The following ATP2B2 variants were observed in gnomAD, a reference collection of about 807,000 sequenced individuals.
The protein encoded by ATP2B2 is plasma membrane calcium-transporting ATPase 2.
Under a neutral mutation model 120.0 loss-of-function variants are expected in ATP2B2, and 15 were observed. That is an observed-to-expected ratio of 0.12 (90% CI 0.08 to 0.19). The LOEUF is 0.19. Ranked by LOEUF, ATP2B2 falls within the 10% of genes least tolerant of loss-of-function variation. ATP2B2 has a pLI of 1.00. For missense variants in ATP2B2, 1,045 were observed against 1,719.8 expected (o/e 0.61, Z 6.94); for synonymous variants, 694 against 700.3 (o/e 0.99, Z 0.14).
intron 7 of ATP2B2, 33 bp from the exon 8 acceptor site, chr3:10,385,360 T>C: frequency 6.2e-7 from 1 of 1,600,116 alleles, no homozygotes; most frequent in Non-Finnish European, 8.6e-7. Flanking sequence ...GAAAATGCAG[T>C]GTCACAATGG....
intron 1 of ATP2B2, among the ~76,000 whole-genome samples, chr3:10,632,791 T>C (rs1179317501): frequency 6.6e-6 from 1 of 152,244 alleles, no homozygotes; most frequent in Non-Finnish European, 1.5e-5. Context: ...AAGTCCTGGC[T>C]GTGTCCCCGC....
chr3:10,582,928 C>T (rs769166641), intron 2 of ATP2B2, among the ~76,000 whole-genome samples: 2 of 152,204 alleles, frequency 1.3e-5, no homozygotes, highest in Non-Finnish European at 2.9e-5. Context: ...GTCCTGGCAC[C>T]GTGCTCAGCA....
chr3:10,419,253 T>C (rs937364168), intron 2 of ATP2B2, among the ~76,000 whole-genome samples: 3 of 152,180 alleles, frequency 2.0e-5, no homozygotes, highest in African/African-American at 7.2e-5. Context: ...TAAGAGCCAC[T>C]TAATGGACTT....
chr3:10,454,940 TAG>T (rs2064198349), intron 1 of ATP2B2, among the ~76,000 whole-genome samples: 1 of 152,190 alleles, frequency 6.6e-6, no homozygotes, highest in South Asian at 2.1e-4. Flanking sequence ...TCCCAGATTG[TAG>T]TACACTTCAC....
intron 1 of ATP2B2, among the ~76,000 whole-genome samples, chr3:10,633,283 C>T (rs1199485041): frequency 6.6e-6 from 1 of 152,120 alleles, no homozygotes; most frequent in Non-Finnish European, 1.5e-5. Flanking sequence ...GCTATTTCTC[C>T]CACCCTGCCT....
chr3:10,521,612 G>A (rs1208594981), intron 3 of ATP2B2, among the ~76,000 whole-genome samples: 1 of 152,238 alleles, frequency 6.6e-6, no homozygotes, highest in Non-Finnish European at 1.5e-5. Context: ...ACTGTGTAAA[G>A]TGATTGTGGG....
intron 2 of ATP2B2, among the ~76,000 whole-genome samples, chr3:10,446,471 T>C (rs56082840): frequency 0.031 from 4,781 of 152,272 alleles, 97 homozygotes; most frequent in South Asian, 0.09. Flanking sequence ...CCCAGCCCTG[T>C]GAGGTAGTCA....
intron 3 of ATP2B2, among the ~76,000 whole-genome samples, chr3:10,517,017 T>C (rs557412547): frequency 5.9e-5 from 9 of 152,198 alleles, no homozygotes; most frequent in South Asian, 2.1e-4. Context: ...ATGCTATTTA[T>C]AGCCAGCTCC....
chr3:10,510,625 C>T (rs2066742574), intron 3 of ATP2B2, among the ~76,000 whole-genome samples: 1 of 152,244 alleles, frequency 6.6e-6, no homozygotes, highest in Admixed American at 6.5e-5. Flanking sequence ...GACCCTGCCT[C>T]CCTTCTGCAA....
chr3:10,351,963 G>T (rs192120211), intron 14 of ATP2B2, among the ~76,000 whole-genome samples: 2 of 152,352 alleles, frequency 1.3e-5, no homozygotes, highest in Admixed American at 1.3e-4. Flanking sequence ...CTGTGAGACA[G>T]CAAACTGCTC....
chr3:10,484,472 G>A (rs755656948), intron 1 of ATP2B2, among the ~76,000 whole-genome samples: 14 of 152,096 alleles, frequency 9.2e-5, no homozygotes, highest in South Asian at 2.1e-4. Context: ...ACTGCTGGCC[G>A]CGGGGGTCTC....
chr3:10,589,922 C>A (rs2068602554), intron 2 of ATP2B2, among the ~76,000 whole-genome samples: 2 of 152,142 alleles, frequency 1.3e-5, no homozygotes, highest in Admixed American at 6.5e-5. Flanking sequence ...ATTCAGCAAC[C>A]CCACCCCTAG....
At chr3:10,387,528 T>C (rs963240152) in intron 6 of ATP2B2, among the ~76,000 whole-genome samples, 4 of 152,198 alleles carry the variant, frequency 2.6e-5, no homozygotes, top group Non-Finnish European at 5.9e-5. Context: ...ATCTTTGAGA[T>C]CAAGTGTGGG....
chr3:10,343,711 GC>G lies in ATP2B2; in HGVS notation c.2704-747del, dbSNP rs991860946. ...CCTCCACGTTCCCAGAATGCCCTCCGCCCACGTCACCAGCACCTTCTGTGCC... is the reference window on the plus strand; with the variant it reads ...CCTCCACGTTCCCAGAATGCCCTCCGCCACGTCACCAGCACCTTCTGTGCC... On this transcript the variant is annotated intron_variant, in intron 18 of 22. Coordinates refer to ENST00000360273, the MANE Select transcript of ATP2B2 (RefSeq NM_001001331.4). The surrounding 1 kb of genome is among the most constrained non-coding windows in gnomAD (Gnocchi z 4.2). Among the ~76,000 whole-genome samples the G allele has an allele frequency of 1.4e-3, 216 of 151,966 alleles. No individual in the cohort carries two copies. The highest frequency in any genetic ancestry group is 5.1e-3 in the African/African-American group (210 of 41,410).
At chr3:10,603,222 C>T (rs1306938475) in intron 2 of ATP2B2, among the ~76,000 whole-genome samples, 1 of 152,154 alleles carries the variant, frequency 6.6e-6, no homozygotes. Flanking sequence ...TGACTTCATC[C>T]CCCTGGGGTA....
chr3:10,360,769 C>A (rs528246555), intron 12 of ATP2B2, among the ~76,000 whole-genome samples: 1 of 152,342 alleles, frequency 6.6e-6, no homozygotes, highest in South Asian at 2.1e-4. Context: ...ACCGGCTTTA[C>A]ATGAGCTTGT....
At chr3:10,679,129 A>G (rs1429027890) in intron 1 of ATP2B2, among the ~76,000 whole-genome samples, 3 of 152,026 alleles carry the variant, frequency 2.0e-5, no homozygotes, top group Non-Finnish European at 4.4e-5. Flanking sequence ...TTGGTTAAGG[A>G]CCCTGAGCTG....
chr3:10,652,537 A>G (rs930969712), intron 1 of ATP2B2, among the ~76,000 whole-genome samples: 2 of 152,208 alleles, frequency 1.3e-5, no homozygotes, highest in African/African-American at 4.8e-5. Flanking sequence ...AGAGAGACAG[A>G]ACCAGCATGA....
chr3:10,336,158 G>A (rs1239472123), intron 22 of ATP2B2: 14 of 1,550,528 alleles, frequency 9.0e-6, no homozygotes, highest in South Asian at 5.9e-5. Context: ...AAGGCTGGTC[G>A]GAGAGGAAAG....
Sources: gnomAD v4.1 joint callset for allele counts (sites outside exome capture counted in the v4.1 genomes callset) on GRCh38, gnomAD v4.1.1 for gene constraint, Gnocchi (gnomAD v3.1) non-coding constraint, MANE v1.5 for transcripts, NCBI Gene and HGNC (gene_info 2026-07-23, HGNC 2026-07-21) for gene names.